DNM3: variants seen among roughly 807,000 people sequenced by gnomAD.
The protein encoded by DNM3 is dynamin-3.
DNM3 carries 47 observed loss-of-function variants against 101.6 expected under a neutral mutation model. The observed-to-expected ratio is 0.46, with a 90% CI of 0.37 to 0.59. The LOEUF is 0.59. DNM3 is among the 20% of genes least tolerant of loss of function. The pLI is 0.00. For synonymous variants in DNM3, 385 were observed against 387.9 expected, an observed-to-expected ratio of 0.99 and a Z score of 0.09; for missense variants, 849 against 1,085.7, an observed-to-expected ratio of 0.78 and a Z score of 3.06.
intron 4 of DNM3, among the ~76,000 whole-genome samples, chr1:172,011,575 A>C (rs1256875835): frequency 6.6e-6 from 1 of 151,994 alleles, no homozygotes; most frequent in Non-Finnish European, 1.5e-5. Context: ...TGACTGTTTT[A>C]TATATTGTAT....
intron 14 of DNM3, among the ~76,000 whole-genome samples, chr1:172,195,074 G>A (rs1205193447): frequency 6.6e-6 from 1 of 151,808 alleles, no homozygotes; most frequent in African/African-American, 2.4e-5. Flanking sequence ...CAAAATCTCT[G>A]AGCATTTGTT....
At chr1:172,037,807 C>T (rs2049080328) in intron 6 of DNM3, among the ~76,000 whole-genome samples, 1 of 152,150 alleles carries the variant, frequency 6.6e-6, no homozygotes, top group Admixed American at 6.6e-5. Context: ...AAGTTTCTGC[C>T]TCAGCTGAAG....
intron 16 of DNM3, among the ~76,000 whole-genome samples, chr1:172,312,397 G>T (rs74124048): frequency 2.1e-4 from 32 of 152,158 alleles, no homozygotes; most frequent in Non-Finnish European, 3.8e-4. Context: ...TTTAAAAATT[G>T]TGTAAGTTTG....
At chr1:171,973,270 C>G (rs1450202524) in intron 2 of DNM3, among the ~76,000 whole-genome samples, 2 of 152,142 alleles carry the variant, frequency 1.3e-5, no homozygotes, top group Non-Finnish European at 2.9e-5. Flanking sequence ...CAGATTGTAA[C>G]TGGGAGTCAG....
intron 2 of DNM3, among the ~76,000 whole-genome samples, chr1:171,963,831 A>G (rs1043554028): frequency 1.3e-5 from 2 of 151,704 alleles, no homozygotes; most frequent in African/African-American, 4.8e-5. Flanking sequence ...AAAGCTGTTT[A>G]CCATGTAAAC....
chr1:172,070,697 A>C (rs1242397023), intron 11 of DNM3, among the ~76,000 whole-genome samples: 2 of 152,114 alleles, frequency 1.3e-5, no homozygotes, highest in Non-Finnish European at 2.9e-5. Flanking sequence ...ACTTGTGACA[A>C]GTTATTTGAC....
intron 1 of DNM3, among the ~76,000 whole-genome samples, chr1:171,892,497 T>G (rs2037377668): frequency 6.6e-6 from 1 of 152,162 alleles, no homozygotes; most frequent in Admixed American, 6.5e-5. Context: ...TAAATATGAG[T>G]TTAGACTGAT....
chr1:172,056,695 A>G (rs1403144295), intron 10 of DNM3, among the ~76,000 whole-genome samples: 3 of 151,420 alleles, frequency 2.0e-5, no homozygotes, highest in African/African-American at 4.8e-5. Context: ...CCATCTGTAC[A>G]TCACCATCAT....
At chr1:172,267,747 C>G (rs1320467603) in intron 15 of DNM3, among the ~76,000 whole-genome samples, 1 of 151,532 alleles carries the variant, frequency 6.6e-6, no homozygotes, top group African/African-American at 2.4e-5. Flanking sequence ...GAGTCTCACT[C>G]TGTCACCCAG....
intron 14 of DNM3, among the ~76,000 whole-genome samples, chr1:172,208,563 C>T (rs150110101): frequency 1.4e-4 from 21 of 152,152 alleles, no homozygotes; most frequent in African/African-American, 4.3e-4. Context: ...TCTGGGTCTC[C>T]GGCTTTTCAT....
intron 16 of DNM3, among the ~76,000 whole-genome samples, chr1:172,323,029 C>T (rs923421729): frequency 3.3e-5 from 5 of 152,124 alleles, no homozygotes; most frequent in African/African-American, 7.2e-5. Flanking sequence ...TTCCCATACC[C>T]CAGGTATTCC....
At chr1:172,012,079 C>T (rs1432631098) in intron 4 of DNM3, among the ~76,000 whole-genome samples, 3 of 152,018 alleles carry the variant, frequency 2.0e-5, no homozygotes, top group Admixed American at 6.6e-5. Flanking sequence ...TATGTCAGCT[C>T]TCTTCTTCAC....
At chr1:171,846,555 G>C (rs2032131916) in intron 1 of DNM3, among the ~76,000 whole-genome samples, 1 of 152,168 alleles carries the variant, frequency 6.6e-6, no homozygotes, top group South Asian at 2.1e-4. Context: ...GCTATGGCTA[G>C]TAAGTTAAAT....
chr1:172,217,972 T>C (rs1373050965), intron 14 of DNM3, among the ~76,000 whole-genome samples: 2 of 152,202 alleles, frequency 1.3e-5, no homozygotes, highest in East Asian at 1.9e-4. Context: ...CAGCGTATTT[T>C]AGATAATGAG....
intron 14 of DNM3, among the ~76,000 whole-genome samples, chr1:172,158,978 A>T (rs1347991550): frequency 6.6e-6 from 1 of 152,028 alleles, no homozygotes; most frequent in Non-Finnish European, 1.5e-5. Context: ...GCACATGATC[A>T]AGCTTTAAAC....
intron 14 of DNM3, among the ~76,000 whole-genome samples, chr1:172,228,779 A>T (rs1004966376): frequency 2.0e-5 from 3 of 152,166 alleles, no homozygotes; most frequent in African/African-American, 7.2e-5. Context: ...ATGTATTCAT[A>T]TAAGACTGCA....
At chr1:171,938,570 A>G (rs2041605132) in intron 2 of DNM3, among the ~76,000 whole-genome samples, 1 of 152,222 alleles carries the variant, frequency 6.6e-6, no homozygotes, top group Non-Finnish European at 1.5e-5. Context: ...TCACTGGAAT[A>G]GAAGTGTTCA....
chr1:172,209,012 G>A (rs1434157787), intron 14 of DNM3, among the ~76,000 whole-genome samples: 1 of 152,080 alleles, frequency 6.6e-6, no homozygotes, highest in Non-Finnish European at 1.5e-5. Context: ...GTGCTGAGTT[G>A]TGTGTGTCCC....
At chr1:172,312,053 G>T (rs997822619) in intron 16 of DNM3, among the ~76,000 whole-genome samples, 1 of 152,180 alleles carries the variant, frequency 6.6e-6, no homozygotes, top group Non-Finnish European at 1.5e-5. Context: ...AAATTAACTA[G>T]AATGCTTATC....
Sources: allele counts gnomAD v4.1 joint callset (sites outside exome capture counted in the v4.1 genomes callset), GRCh38; gene constraint gnomAD v4.1.1; transcripts MANE v1.5; gene names NCBI Gene and HGNC (gene_info 2026-07-23, HGNC 2026-07-21).